Variants in MNAT1 observed in about 807,000 individuals in gnomAD.
The protein encoded by MNAT1 is CDK-activating kinase assembly factor MAT1.
Under a neutral mutation model 42.0 loss-of-function variants are expected in MNAT1, and 43 were observed. That is an observed-to-expected ratio of 1.02 (90% CI 0.80 to 1.32). The LOEUF (loss-of-function observed/expected upper bound fraction) is 1.32. Ranked by LOEUF, MNAT1 falls within the 40% of genes most tolerant of loss-of-function variation. The pLI is 0.00. For missense variants in MNAT1, 306 were observed against 350.4 expected, an observed-to-expected ratio of 0.87 and a Z score of 1.01; for synonymous variants, 118 against 120.0, an observed-to-expected ratio of 0.98 and a Z score of 0.11.
rs759023102 is a variant in MNAT1 at position 60,796,267 on chromosome 14, C to A, written c.140C>A (p.Pro47His). 7 of 1,613,586 alleles carry A rather than the reference C, an allele frequency of 4.3e-6. No individual in the cohort carries two copies. The highest frequency in any genetic ancestry group is 5.9e-6 in the Non-Finnish European group (7 of 1,179,724). ...LLFVRGAGNC[P>H]ECGTPLRKSN... Reference sequence around the variant, plus strand: ...TTTGTGAGAGGAGCTGGAAACTGCCCTGAGTGTGGTACTCCACTCAGAAAG... The same window carrying A: ...TTTGTGAGAGGAGCTGGAAACTGCCATGAGTGTGGTACTCCACTCAGAAAG... Residue 47 changes from proline (P) to histidine (H), a missense_variant, in exon 2 of 8, where the codon CCT becomes CAT. Physicochemically the swap from Pro to His is moderately conservative, Grantham distance 77. Around this residue, in one of 3 missense-constraint regions of MNAT1, gnomAD observed 72 missense variants for 111.0 expected, o/e 0.65. Coordinates refer to ENST00000261245, the MANE Select transcript of MNAT1 (RefSeq NM_002431.4).
At chr14:60,931,850 G>GT (rs1027094822) in intron 7 of MNAT1, among the ~76,000 whole-genome samples, 3 of 150,828 alleles carry the variant, frequency 2.0e-5, no homozygotes, top group Non-Finnish European at 3.0e-5. Context: ...CATCCTCAAA[G>GT]TTTTTTTTTA....
chr14:60,772,009 A>G (rs2031078001), intron 1 of MNAT1, among the ~76,000 whole-genome samples: 2 of 152,198 alleles, frequency 1.3e-5, no homozygotes, highest in South Asian at 2.1e-4. Flanking sequence ...TTTCAGTTGT[A>G]CTGGAAGGTT....
At chr14:60,933,998 A>T (rs1311111920) in intron 7 of MNAT1, among the ~76,000 whole-genome samples, 1 of 152,204 alleles carries the variant, frequency 6.6e-6, no homozygotes, top group Non-Finnish European at 1.5e-5. Flanking sequence ...ATGAAAGGGC[A>T]AGCTACAAGT....
At chr14:60,777,657 A>G (rs2031301466) in intron 1 of MNAT1, among the ~76,000 whole-genome samples, 1 of 152,004 alleles carries the variant, frequency 6.6e-6, no homozygotes, top group Non-Finnish European at 1.5e-5. Context: ...TCCATAATAC[A>G]TATTGGGAAA....
chr14:60,951,007 G>T lies in MNAT1; in HGVS notation c.810-17222G>T, dbSNP rs750004441. Among the ~76,000 whole-genome samples, 44 of 152,074 alleles carry T rather than the reference G, an allele frequency of 2.9e-4. 1 individual carries two copies. Among genetic ancestry groups the T allele is most frequent in the Non-Finnish European group, 7.4e-5 (5 of 68,014 alleles). On this transcript the variant is annotated intron_variant, in intron 7 of 7. Coordinates refer to ENST00000261245, the MANE Select transcript of MNAT1 (RefSeq NM_002431.4). Reference sequence around the variant, plus strand: ...AGTAGCCATGGTACGTAGAAGAGAGGTAGCGATAAAGTGCTTTGCGAATTC... The same window carrying T: ...AGTAGCCATGGTACGTAGAAGAGAGTTAGCGATAAAGTGCTTTGCGAATTC...
intron 7 of MNAT1, among the ~76,000 whole-genome samples, chr14:60,920,488 C>T (rs1248736922): frequency 2.0e-5 from 3 of 151,994 alleles, no homozygotes; most frequent in Admixed American, 6.6e-5. Flanking sequence ...GGCGCGATTT[C>T]GTCTCACTGC....
intron 1 of MNAT1, chr14:60,780,015 T>C (rs1041658883): frequency 1.5e-5 from 24 of 1,560,152 alleles, no homozygotes; most frequent in Non-Finnish European, 2.1e-5. Flanking sequence ...GGAATCACCC[T>C]GCGTGGGAGT....
intron 7 of MNAT1, among the ~76,000 whole-genome samples, chr14:60,887,799 A>G (rs1483845820): frequency 1.3e-5 from 2 of 152,146 alleles, no homozygotes; most frequent in East Asian, 3.9e-4. Context: ...ACAAACTACC[A>G]TCAGAGAATA....
chr14:60,738,700 TA>T (rs1896380476), intron 1 of MNAT1, among the ~76,000 whole-genome samples: 2 of 152,154 alleles, frequency 1.3e-5, no homozygotes, highest in Non-Finnish European at 2.9e-5. Flanking sequence ...TACCTCTGGC[TA>T]ATTTTGTAGT....
chr14:60,817,534 A>G (rs1384334731), intron 5 of MNAT1, among the ~76,000 whole-genome samples: 1 of 152,010 alleles, frequency 6.6e-6, no homozygotes, highest in Non-Finnish European at 1.5e-5. Flanking sequence ...TTGATGTGCA[A>G]CTTTATTCTA....
intron 1 of MNAT1, among the ~76,000 whole-genome samples, chr14:60,750,569 G>T: frequency 6.9e-6 from 1 of 145,378 alleles, no homozygotes; most frequent in Non-Finnish European, 1.5e-5. Flanking sequence ...AGGAGGAAAA[G>T]GAAAGTTTAT....
intron 4 of MNAT1, among the ~76,000 whole-genome samples, chr14:60,811,596 A>C (rs950102684): frequency 6.6e-6 from 1 of 151,896 alleles, no homozygotes; most frequent in African/African-American, 2.4e-5. Flanking sequence ...GCCGCTGCGT[A>C]GGGCTCTTAT....
At chr14:60,739,199 A>G (rs556494675) in intron 1 of MNAT1, among the ~76,000 whole-genome samples, 2 of 152,200 alleles carry the variant, frequency 1.3e-5, no homozygotes, top group Admixed American at 1.3e-4. Flanking sequence ...GAGAAGAGAG[A>G]AAGGGAGGGA....
chr14:60,796,576 A>G (rs910841611), intron 2 of MNAT1, among the ~76,000 whole-genome samples: 10 of 152,140 alleles, frequency 6.6e-5, no homozygotes, highest in Non-Finnish European at 1.5e-4. Context: ...ATTTGTATTT[A>G]TTCTTTGATT....
intron 6 of MNAT1, among the ~76,000 whole-genome samples, chr14:60,826,189 T>G (rs901757468): frequency 3.3e-5 from 5 of 152,100 alleles, no homozygotes; most frequent in Non-Finnish European, 4.4e-5. Flanking sequence ...TTCTAGGAAT[T>G]AAACTGTCAG....
At chr14:60,737,821 C>G (rs1181781121) in intron 1 of MNAT1, among the ~76,000 whole-genome samples, 1 of 151,508 alleles carries the variant, frequency 6.6e-6, no homozygotes, top group Admixed American at 6.6e-5. Flanking sequence ...GGGTTCGAGA[C>G]CAACTTGGAC....
At chr14:60,939,893 G>A (rs953048780) in intron 7 of MNAT1, among the ~76,000 whole-genome samples, 1 of 152,062 alleles carries the variant, frequency 6.6e-6, no homozygotes, top group Non-Finnish European at 1.5e-5. Context: ...CTCTAAGGAC[G>A]TGCTTTATGA....
At chr14:60,846,915 A>G (rs886076375) in intron 6 of MNAT1, among the ~76,000 whole-genome samples, 3 of 152,180 alleles carry the variant, frequency 2.0e-5, no homozygotes, top group East Asian at 3.8e-4. Flanking sequence ...TAGTTTGTCT[A>G]TCAATTATTG....
rs760080778 is a variant in MNAT1, at chr14:60,898,130, TGTGTGTGTGTGCGC to T, written c.809+18297_809+18310del. On this transcript the variant is annotated intron_variant, in intron 7 of 7. Coordinates refer to ENST00000261245, the MANE Select transcript of MNAT1 (RefSeq NM_002431.4). ...GTGTGTGTGTGTGTGTGTGTGTGTG[TGTGTGTGTGTGCGC>T]GCGCCACATTTTTTTAATCCATTTG... 4.4e-3 allele frequency among the ~76,000 whole-genome samples: 421 copies of T among 95,524 alleles called. 3 individuals are homozygous for T. The highest frequency in any genetic ancestry group is 0.014 in the African/African-American group (359 of 25,562). The allele number at this position is 95,524 out of a possible 152,430, so 62.7% of individuals were successfully genotyped here.
Sources: gnomAD v4.1 joint callset for allele counts (sites outside exome capture counted in the v4.1 genomes callset) on GRCh38, gnomAD v4.1.1 for gene constraint, gnomAD v4.1.1 regional missense constraint, MANE v1.5 for transcripts, NCBI Gene and HGNC (gene_info 2026-07-23, HGNC 2026-07-21) for gene names.